FREM1: variants seen among roughly 807,000 people sequenced by gnomAD.
FREM1 encodes the protein FRAS1 related extracellular matrix 1, also known as FRAS1-related extracellular matrix protein 1.
In FREM1, 220 loss-of-function variants were observed where a neutral mutation model predicts 210.1. That is an observed-to-expected ratio of 1.05 (90% confidence interval 0.94 to 1.17). FREM1 has a LOEUF of 1.17. Among genes scored for constraint, FREM1 ranks in the 50% most tolerant of loss-of-function variants. The pLI is 0.00. For missense variants in FREM1, 3,454 were observed against 2,675.5 expected (o/e 1.29, Z -6.42); for synonymous variants, 1,189 against 980.2 (o/e 1.21, Z -3.98).
chr9:14,875,483 T>C (rs1446570515), intron 1 of FREM1, among the ~76,000 whole-genome samples: 1 of 152,252 alleles, frequency 6.6e-6, no homozygotes, highest in Non-Finnish European at 1.5e-5. Flanking sequence ...CTGAGGCTTC[T>C]GCATTCTTCA....
chr9:14,831,161 G>A (rs932276524), intron 10 of FREM1, among the ~76,000 whole-genome samples: 7 of 152,194 alleles, frequency 4.6e-5, no homozygotes, highest in Non-Finnish European at 1.0e-4. Context: ...TTTCTGGCCA[G>A]GTGTGATTCA....
At chr9:14,846,590 A>G (rs555177247) in intron 7 of FREM1, among the ~76,000 whole-genome samples, 1 of 152,326 alleles carries the variant, frequency 6.6e-6, no homozygotes, top group African/African-American at 2.4e-5. Context: ...GCTTAAGAAA[A>G]GATGAGTGAA....
At position 14,797,505 on chromosome 9, in the gene FREM1, G is replaced by A. The variant is rs1198658066; in HGVS notation, c.3832C>T (p.Leu1278=). Residue 1278 remains leucine, a synonymous_variant, in exon 21 of 37, where the codon CTG becomes TTG. Coordinates refer to ENST00000380880, the MANE Select transcript of FREM1 (RefSeq NM_001379081.2). ...TCTTTTCAGGTAGCTTACTTGCTCA[G>A]CATTGGTTTTTCATCATTAACTGGG... ...VIPVNDEKPM[L]SKKAEIAMNM... 2.5e-6 allele frequency: 4 copies of A among 1,607,294 alleles called. No homozygotes were observed. The highest frequency in any genetic ancestry group is 1.7e-5 in the Admixed American group (1 of 59,092).
intron 24 of FREM1, among the ~76,000 whole-genome samples, chr9:14,777,184 T>C (rs1051292507): frequency 6.6e-6 from 1 of 152,242 alleles, no homozygotes. Context: ...GCAAAATCTT[T>C]CTTACAGTCT....
At chr9:14,795,719 C>G (rs1204883892) in intron 21 of FREM1, among the ~76,000 whole-genome samples, 2 of 152,174 alleles carry the variant, frequency 1.3e-5, no homozygotes, top group African/African-American at 4.8e-5. Context: ...TCTTTTACCT[C>G]TCTGGTCTCA....
At chr9:14,769,541 T>C (rs1316223004) in intron 27 of FREM1, among the ~76,000 whole-genome samples, 183 bp downstream of exon 27, 1 of 152,192 alleles carries the variant, frequency 6.6e-6, no homozygotes, top group African/African-American at 2.4e-5. Flanking sequence ...GCTACTGGCT[T>C]TCCTATTTTC....
At chr9:14,783,378 TTA>T (rs759608197) in intron 24 of FREM1, among the ~76,000 whole-genome samples, 4 of 152,164 alleles carry the variant, frequency 2.6e-5, no homozygotes, top group Non-Finnish European at 5.9e-5. Context: ...TATGCTCCAT[TTA>T]TGTTATTTTA....
At chr9:14,812,675 T>C (rs977833623) in intron 16 of FREM1, 137 bp downstream of exon 16, 24 of 820,304 alleles carry the variant, frequency 2.9e-5, no homozygotes, top group South Asian at 2.6e-4. Context: ...GCTGGAAAAA[T>C]GGAGGCCAGG....
chr9:14,743,305 T>C (rs1006615060), intron 35 of FREM1, among the ~76,000 whole-genome samples: 4 of 152,042 alleles, frequency 2.6e-5, no homozygotes, highest in East Asian at 1.9e-4. Context: ...TACTCACCAA[T>C]AGAACCTAGT....
At chr9:14,783,562 A>G (rs1342224853) in intron 24 of FREM1, among the ~76,000 whole-genome samples, 2 of 152,190 alleles carry the variant, frequency 1.3e-5, no homozygotes, top group Non-Finnish European at 2.9e-5. Flanking sequence ...CCCAGTTCTC[A>G]TGCCCGGCCT....
At chr9:14,771,705 C>T (rs1302450121) in intron 25 of FREM1, among the ~76,000 whole-genome samples, 1 of 152,162 alleles carries the variant, frequency 6.6e-6, no homozygotes, top group African/African-American at 2.4e-5. Flanking sequence ...CCTGATACTA[C>T]TGTAAATCTT....
At chr9:14,894,573 T>A (rs1283174706) in intron 1 of FREM1, among the ~76,000 whole-genome samples, 1 of 152,254 alleles carries the variant, frequency 6.6e-6, no homozygotes, top group Non-Finnish European at 1.5e-5. Context: ...AGGAGTTAAC[T>A]GCATGGACTG....
intron 6 of FREM1, 91 bp downstream of exon 6, chr9:14,851,193 T>C (rs1049723157): frequency 6.8e-6 from 6 of 887,362 alleles, no homozygotes; most frequent in East Asian, 2.5e-5. Context: ...AGGCAATGAA[T>C]GTACAAAGGA....
At chr9:14,870,012 AT>A (rs1335147342) in intron 1 of FREM1, among the ~76,000 whole-genome samples, 16 of 152,192 alleles carry the variant, frequency 1.1e-4, no homozygotes, top group Non-Finnish European at 2.9e-5. Flanking sequence ...TTTCATGATG[AT>A]TTCTCTGTGT....
At chr9:14,823,454 GATT>G (rs1821749932) in intron 12 of FREM1, 127 bp from the exon 13 acceptor site, 4 of 792,988 alleles carry the variant, frequency 5.0e-6, no homozygotes. Context: ...TCACTTTGAA[GATT>G]ACCAAAAGCT....
intron 1 of FREM1, among the ~76,000 whole-genome samples, chr9:14,899,115 C>A (rs1362148794): frequency 6.6e-6 from 1 of 152,162 alleles, no homozygotes; most frequent in Non-Finnish European, 1.5e-5. Context: ...AGGAACAAGG[C>A]AAATCACAGA....
At chr9:14,840,544 T>C (rs1161987167) in intron 10 of FREM1, among the ~76,000 whole-genome samples, 2 of 151,980 alleles carry the variant, frequency 1.3e-5, no homozygotes, top group African/African-American at 2.4e-5. Context: ...AACCATCAGA[T>C]CCCGTGAGAC....
chr9:14,855,257 C>A (rs940500930), intron 5 of FREM1, among the ~76,000 whole-genome samples: 2 of 151,902 alleles, frequency 1.3e-5, no homozygotes, highest in African/African-American at 2.4e-5. Context: ...ACGTTATATC[C>A]TTATATACAA....
intron 1 of FREM1, among the ~76,000 whole-genome samples, chr9:14,875,603 C>A (rs1011271604): frequency 6.6e-6 from 1 of 152,154 alleles, no homozygotes; most frequent in African/African-American, 2.4e-5. Flanking sequence ...TTTTTAACTT[C>A]TTTGCCTTTG....
Sources: gnomAD v4.1 joint callset for allele counts (sites outside exome capture counted in the v4.1 genomes callset) on GRCh38, gnomAD v4.1.1 for gene constraint, MANE v1.5 for transcripts, NCBI Gene and HGNC (gene_info 2026-07-23, HGNC 2026-07-21) for gene names.